The following DENND5B variants were observed in gnomAD, a reference collection of about 807,000 sequenced individuals.
DENND5B encodes DENN domain containing 5B.
In DENND5B, 34 loss-of-function variants were observed where a neutral mutation model predicts 140.6. The ratio of observed to expected loss-of-function variants is 0.24; its 90% CI spans 0.18 to 0.32. The LOEUF is 0.32. Among genes scored for constraint, DENND5B ranks in the 10% least tolerant of loss-of-function variants. The pLI, the probability that DENND5B is intolerant of heterozygous loss-of-function variation, is 1.00. For synonymous variants in DENND5B, 551 were observed against 562.1 expected, an observed-to-expected ratio of 0.98 and a Z score of 0.28; for missense variants, 1,142 against 1,560.2, an observed-to-expected ratio of 0.73 and a Z score of 4.52.
chr12:31,540,709 A>T (rs1049028183), intron 1 of DENND5B, among the ~76,000 whole-genome samples: 1 of 151,802 alleles, frequency 6.6e-6, no homozygotes, highest in Non-Finnish European at 1.5e-5. Flanking sequence ...AACAAACCTA[A>T]AATTTACATG....
chr12:31,433,046 G>GTT (rs200700052), intron 8 of DENND5B, 109 bp downstream of exon 8: 165 of 834,070 alleles, frequency 2.0e-4, no homozygotes, highest in South Asian at 2.5e-4. Flanking sequence ...TAACTAAACA[G>GTT]TTTTTTTTTT....
At chr12:31,460,802 T>C (rs2138253669) in intron 3 of DENND5B, among the ~76,000 whole-genome samples, 1 of 152,346 alleles carries the variant, frequency 6.6e-6, no homozygotes, top group South Asian at 2.1e-4. Flanking sequence ...CTTGGCACAC[T>C]GCAACCTCCA....
chr12:31,424,713 G>T (rs1217387380), intron 9 of DENND5B, 26 bp from the exon 10 acceptor site: 1 of 1,609,794 alleles, frequency 6.2e-7, no homozygotes. Flanking sequence ...GTAGTCATAA[G>T]GCACCCCAGC....
intron 7 of DENND5B, among the ~76,000 whole-genome samples, chr12:31,436,341 T>TC: frequency 6.6e-6 from 1 of 151,976 alleles, no homozygotes; most frequent in South Asian, 2.1e-4. Flanking sequence ...CCTCAAGTGA[T>TC]CTGCCCGCCT....
intron 14 of DENND5B, among the ~76,000 whole-genome samples, chr12:31,404,929 T>C (rs2137455937): frequency 6.6e-6 from 1 of 151,966 alleles, no homozygotes; most frequent in African/African-American, 2.4e-5. Flanking sequence ...CCAGCTATTT[T>C]TTGTATTTTT....
chr12:31,569,664 T>C (rs1402901251), intron 1 of DENND5B, among the ~76,000 whole-genome samples: 1 of 151,882 alleles, frequency 6.6e-6, no homozygotes, highest in East Asian at 1.9e-4. Flanking sequence ...ACAAAAAAAT[T>C]AGCCGAGTAT....
intron 1 of DENND5B, among the ~76,000 whole-genome samples, chr12:31,504,492 A>G (rs1947120765): frequency 6.6e-6 from 1 of 152,208 alleles, no homozygotes; most frequent in Non-Finnish European, 1.5e-5. Context: ...AGAGATTTCT[A>G]TAGCATGCTT....
chr12:31,396,017 CTTGCCTCTTT>C (rs1941439418), intron 17 of DENND5B, among the ~76,000 whole-genome samples: 1 of 146,532 alleles, frequency 6.8e-6, no homozygotes, highest in Middle Eastern at 3.6e-3. Context: ...AAATCCCTTC[CTTGCCTCTTT>C]TAGCTTCTGG....
In DENND5B at chr12:31,399,644, A is replaced by ATG. The variant is rs760176309; in HGVS notation, c.3068+9_3068+10insCA. The ATG allele has an allele frequency of 5.2e-5, 84 of 1,607,472 alleles. No homozygotes were observed. The highest frequency in any genetic ancestry group is 7.1e-5 in the Non-Finnish European group (84 of 1,174,942). The stretch of plus-strand genomic sequence containing the variant: ...CAAAGAATTCTGAGTTCCCAAGGCC[A>ATG]TTTACTTACCTGTATGTATGTCCTG... On this transcript the variant is annotated intron_variant, in intron 16 of 20. Transcript: ENST00000389082.
intron 7 of DENND5B, among the ~76,000 whole-genome samples, chr12:31,436,549 T>C (rs1188982830): frequency 6.6e-6 from 1 of 151,890 alleles, no homozygotes; most frequent in African/African-American, 2.4e-5. Context: ...TTCTTTTTTT[T>C]TGGAGATAGA....
intron 1 of DENND5B, among the ~76,000 whole-genome samples, chr12:31,529,818 A>C (rs968513799): frequency 6.6e-6 from 1 of 152,190 alleles, no homozygotes; most frequent in Non-Finnish European, 1.5e-5. Context: ...TACATTTTTA[A>C]AACACAGAGT....
Position 31,433,148 on chromosome 12 carries a change from C to A in DENND5B, c.2106+7G>T. 1 of 1,613,234 alleles carries A rather than the reference C, an allele frequency of 6.2e-7. No individual in the cohort carries two copies. Among genetic ancestry groups the A allele is most frequent in the Non-Finnish European group, 8.5e-7 (1 of 1,179,382 alleles). On this transcript the variant is annotated splice_region_variant and intron_variant, in intron 8 of 20. Transcript: ENST00000389082. The stretch of plus-strand genomic sequence containing the variant: ...TGTGAGGCACCCCAGGAAGGTAGAC[C>A]ACATACCTCCCTCAAGTCGTTGTCC...
chr12:31,478,841 G>A (rs1396775458), intron 3 of DENND5B, among the ~76,000 whole-genome samples: 1 of 152,096 alleles, frequency 6.6e-6, no homozygotes, highest in Non-Finnish European at 1.5e-5. Context: ...ATATTCAGAT[G>A]ACAACTAGTA....
intron 7 of DENND5B, among the ~76,000 whole-genome samples, chr12:31,437,161 G>A (rs1384515313): frequency 1.6e-5 from 2 of 121,780 alleles, no homozygotes; most frequent in Admixed American, 1.7e-4. Flanking sequence ...TTTTTTTTTT[G>A]AGACGGAGTC....
At chr12:31,418,823 G>A (rs1287341392) in intron 11 of DENND5B, among the ~76,000 whole-genome samples, 1 of 151,972 alleles carries the variant, frequency 6.6e-6, no homozygotes, top group Non-Finnish European at 1.5e-5. Context: ...TTAAATAATA[G>A]AGATGGGGGT....
At chr12:31,498,349 G>A (rs1452059154) in intron 1 of DENND5B, among the ~76,000 whole-genome samples, 1 of 152,124 alleles carries the variant, frequency 6.6e-6, no homozygotes, top group Non-Finnish European at 1.5e-5. Flanking sequence ...TGGGACAGGA[G>A]ATATATCAGA....
At chr12:31,487,556 G>A (rs1946358303) in intron 2 of DENND5B, among the ~76,000 whole-genome samples, 1 of 151,980 alleles carries the variant, frequency 6.6e-6, no homozygotes, top group African/African-American at 2.4e-5. Flanking sequence ...CAAAAAATTA[G>A]CCGGGCGTGG....
At chr12:31,449,007 T>A (rs986835383) in intron 5 of DENND5B, among the ~76,000 whole-genome samples, 1 of 151,466 alleles carries the variant, frequency 6.6e-6, no homozygotes, top group Non-Finnish European at 1.5e-5. Flanking sequence ...AAAAGTGTCA[T>A]TTTTTTTTCT....
intron 11 of DENND5B, among the ~76,000 whole-genome samples, chr12:31,416,240 T>A (rs1167621454): frequency 6.6e-6 from 1 of 152,030 alleles, no homozygotes; most frequent in African/African-American, 2.4e-5. Flanking sequence ...ATTTTGGCCA[T>A]AAGGACCAGG....
Sources: allele counts gnomAD v4.1 joint callset (sites outside exome capture counted in the v4.1 genomes callset), GRCh38; gene constraint gnomAD v4.1.1; transcripts MANE v1.5; gene names NCBI Gene and HGNC (gene_info 2026-07-23, HGNC 2026-07-21).